WNT2B: variants seen among roughly 807,000 people sequenced by gnomAD.
WNT2B encodes the protein Wnt family member 2B.
Under a neutral mutation model 40.5 loss-of-function variants are expected in WNT2B, and 19 were observed. The observed-to-expected ratio is 0.47, with a 90% CI of 0.33 to 0.69. The LOEUF (loss-of-function observed/expected upper bound fraction) is 0.69, where lower values mean the gene tolerates loss of function less well. Among genes scored for constraint, WNT2B ranks in the 30% least tolerant of loss-of-function variants. The pLI is 0.02. For synonymous variants in WNT2B, 220 were observed against 211.9 expected (o/e 1.04, Z -0.33); for missense variants, 467 against 556.4 (o/e 0.84, Z 1.62).
chr1:112,520,201 C>T lies in WNT2B; in HGVS notation c.947-79C>T, dbSNP rs113212023. On this transcript the variant is annotated intron_variant, in intron 4 of 4. Coordinates refer to ENST00000369684, the MANE Select transcript of WNT2B (RefSeq NM_024494.3). ...CAAAAAAGCGATTCTTTTTATCTTC[C>T]TTCTGAGAATGTGGTTAAGGGTATC... is the stretch of plus-strand genomic sequence containing the variant. 4.0e-3 allele frequency: 5,567 copies of T among 1,390,382 alleles called. 167 individuals are homozygous for T. In the African/African-American group the frequency reaches 0.067, roughly 17 times the overall value. The allele number at this position is 1,390,382 out of a possible 1,614,324, so 86.1% of individuals were successfully genotyped here. A position where few individuals can be genotyped will look rare whatever the true frequency, so the allele number is the denominator to read the frequency against.
At position 112,516,427 on chromosome 1, in the gene WNT2B, C is replaced by A; in HGVS notation, c.681+10C>A. The A allele has an allele frequency of 6.2e-7, 1 of 1,604,516 alleles. No individual in the cohort carries two copies. The highest frequency in any genetic ancestry group is 1.1e-5 in the South Asian group (1 of 89,536). On this transcript the variant is annotated intron_variant, in intron 3 of 4. Transcript: ENST00000369684. ...CCGCTGTGGTCGCACGGTCAGTACT[C>A]ATGTCTGTGTAAGTACACTCATATT...
In WNT2B at chr1:112,520,486, G is replaced by A; in HGVS notation, c.1153G>A (p.Ala385Thr). 6.2e-7 allele frequency: 1 copy of A among 1,614,078 alleles called. No homozygotes were observed. The highest frequency in any genetic ancestry group is 8.5e-7 in the Non-Finnish European group (1 of 1,179,996). Residue 385 changes from alanine (A) to threonine (T), a missense_variant, in exon 5 of 5, where the codon GCA becomes ACA. Transcript: ENST00000369684. ...DVHTCKAPKK[A>T]EWLDQT ...CCATACTTGCAAAGCCCCCAAGAAG[G>A]CAGAGTGGCTGGACCAAACCTGAAC... is the stretch of plus-strand genomic sequence containing the variant.
chr1:112,495,588 C>CAA (rs1172484242), intron 1 of WNT2B, among the ~76,000 whole-genome samples: 2,228 of 94,476 alleles, frequency 0.024, 52 homozygotes, highest in African/African-American at 0.068. Flanking sequence ...GACTCTGTCT[C>CAA]AAAAAAAAAA....
rs1397274254 is a variant in WNT2B, at chr1:112,515,350, C to T, written c.403+256C>T. 2.6e-5 allele frequency among the ~76,000 whole-genome samples: 4 copies of T among 152,180 alleles called. No individual in the cohort carries two copies. The highest frequency in any genetic ancestry group is 6.5e-5 in the Admixed American group (1 of 15,278). On this transcript the variant is annotated intron_variant, in intron 2 of 4. Transcript: ENST00000369684. This position sits in a 1 kb window ranked among gnomAD's most constrained non-coding sequence, Gnocchi z 4.4. The stretch of plus-strand genomic sequence containing the variant: ...ATTCCCTAGAACCTCCATCTTTCTC[C>T]CTCATTTTCCTTGTCCTCCCCAATC...
chr1:112,516,227 G>A lies in WNT2B; in HGVS notation c.491G>A (p.Ser164Asn), dbSNP rs149608763. The change falls in exon 3 of 5, where the codon AGT (serine) becomes AAT (asparagine). Residue 164 changes from serine (S) to asparagine (N), a missense_variant. Around this residue, in one of 2 missense-constraint regions of WNT2B, gnomAD observed 330 missense variants for 438.6 expected, o/e 0.75. Coordinates refer to ENST00000369684, the MANE Select transcript of WNT2B (RefSeq NM_024494.3). ...CGCGCCTGTAGCCAGGGTGAACTGA[G>A]TGTGTGCAGCTGTGACCCCTACACC... ...ITRACSQGEL[S>N]VCSCDPYTRG... 2.5e-6 allele frequency: 4 copies of A among 1,614,116 alleles called. No homozygotes were observed. Among genetic ancestry groups the A allele is most frequent in the South Asian group, 2.2e-5 (2 of 91,076 alleles).
intron 1 of WNT2B, among the ~76,000 whole-genome samples, chr1:112,478,367 G>A (rs953563867): frequency 6.6e-6 from 1 of 151,846 alleles, no homozygotes; most frequent in Non-Finnish European, 1.5e-5. Flanking sequence ...ATACCAAATA[G>A]CCCCCAAATA....
chr1:112,490,914 C>G, intron 1 of WNT2B: 4 of 1,270,948 alleles, frequency 3.1e-6, no homozygotes, highest in Non-Finnish European at 4.5e-6. Context: ...TTCCCAATAG[C>G]TCTACCCTAA....
At position 112,527,143 on chromosome 1, in the gene WNT2B, A is replaced by G. The variant is rs1428708180; in HGVS notation, c.*6634A>G. 6.6e-6 allele frequency: 1 copy of G among 152,266 alleles called. No individual in the cohort carries two copies. The highest frequency in any genetic ancestry group is 2.4e-5 in the African/African-American group (1 of 41,470). 9.4% of individuals were successfully genotyped at this position (152,266 alleles called of 1,614,324 possible). ...GGGGAACTCTTCTGTTCAATCCTGTAATGTTTTCTGTTAGAGACAGCATAG... is the reference window on the plus strand; with the variant it reads ...GGGGAACTCTTCTGTTCAATCCTGTGATGTTTTCTGTTAGAGACAGCATAG... On this transcript the variant is annotated 3_prime_UTR_variant, in exon 5 of 5. Transcript: ENST00000369684.
intron 1 of WNT2B, chr1:112,467,665 T>C: frequency 1.4e-6 from 1 of 728,354 alleles, no homozygotes; most frequent in South Asian, 1.5e-5. Flanking sequence ...TACATAATAC[T>C]TTACATATTT....
intron 2 of WNT2B, 126 bp from the exon 3 acceptor site, chr1:112,516,014 G>A: frequency 8.1e-7 from 1 of 1,231,644 alleles, no homozygotes; most frequent in South Asian, 1.5e-5. Context: ...GAATAAAGGG[G>A]GTGTAGGGGT....
At chr1:112,479,772 C>G (rs533633282) in intron 1 of WNT2B, among the ~76,000 whole-genome samples, 7 of 151,998 alleles carry the variant, frequency 4.6e-5, no homozygotes, top group African/African-American at 1.7e-4. Flanking sequence ...AGCGCAGTGT[C>G]GCATCTCTGC....
At chr1:112,476,014 CAT>C (rs1489598705) in intron 1 of WNT2B, among the ~76,000 whole-genome samples, 5 of 152,118 alleles carry the variant, frequency 3.3e-5, no homozygotes, top group African/African-American at 4.8e-5. Context: ...TTAATGCACA[CAT>C]AGAACATTTA....
exon 1 of WNT2B, chr1:112,467,562 G>C (rs1160047048): frequency 1.3e-6 from 1 of 780,890 alleles, no homozygotes; most frequent in Non-Finnish European, 2.4e-6. Context: ...TGGAGTGGTA[G>C]CCATAAGCAT....
rs139333916 is a variant in WNT2B, at chr1:112,526,103, T to C, written c.*5594T>C. 1,928 of 1,614,022 alleles carry C rather than the reference T, an allele frequency of 1.2e-3. 2 individuals carry two copies. The highest frequency in any genetic ancestry group is 1.6e-3 in the Non-Finnish European group (1,858 of 1,179,994). ...ATGCCCAGGGTTGGGGGCACCAGAG[T>C]CCCAGCACCTTCAAAACAGAAATTG... On this transcript the variant is annotated 3_prime_UTR_variant, in exon 5 of 5. Coordinates refer to ENST00000369684, the MANE Select transcript of WNT2B (RefSeq NM_024494.3).
At chr1:112,485,651 G>A (rs1166024457) in intron 1 of WNT2B, among the ~76,000 whole-genome samples, 1 of 152,108 alleles carries the variant, frequency 6.6e-6, no homozygotes, top group Non-Finnish European at 1.5e-5. Context: ...TCAATAAATG[G>A]TACTGAAACA....
At chr1:112,484,254 TACAC>T (rs1176000508) in intron 1 of WNT2B, among the ~76,000 whole-genome samples, 1 of 124,296 alleles carries the variant, frequency 8.0e-6, no homozygotes, top group African/African-American at 2.9e-5. Context: ...CACATATATA[TACAC>T]ATATATATAT....
chr1:112,517,648 G>T (rs1652625645), intron 4 of WNT2B, among the ~76,000 whole-genome samples: 1 of 152,236 alleles, frequency 6.6e-6, no homozygotes, highest in Non-Finnish European at 1.5e-5. Flanking sequence ...GGATACAGTA[G>T]GCATTATTCA....
intron 1 of WNT2B, among the ~76,000 whole-genome samples, chr1:112,481,887 C>T (rs947437773): frequency 1.3e-5 from 2 of 152,024 alleles, no homozygotes; most frequent in Non-Finnish European, 2.9e-5. Context: ...TGGCTCACGT[C>T]TGTAATCCCA....
rs1653033049 is a variant in WNT2B at position 112,523,984 on chromosome 1, C to T, written c.*3475C>T. ...TAGAGTGATGCTGGAAAAATAAAATCAGGGGCTTCAGATTAAAAAAAAAAA... is the reference window on the plus strand; with the variant it reads ...TAGAGTGATGCTGGAAAAATAAAATTAGGGGCTTCAGATTAAAAAAAAAAA... On this transcript the variant is annotated 3_prime_UTR_variant, in exon 5 of 5. Transcript: ENST00000369684. 6.6e-6 allele frequency: 1 copy of T among 151,122 alleles called. No individual in the cohort carries two copies. Among genetic ancestry groups the T allele is most frequent in the Admixed American group, 6.6e-5 (1 of 15,182 alleles). The allele number at this position is 151,122 out of a possible 1,614,324, so 9.4% of individuals were successfully genotyped here.
Sources: allele counts gnomAD v4.1 joint callset (sites outside exome capture counted in the v4.1 genomes callset), GRCh38; gene constraint gnomAD v4.1.1; regional missense constraint gnomAD v4.1.1; non-coding constraint Gnocchi (gnomAD v3.1); transcripts MANE v1.5; gene names NCBI Gene and HGNC (gene_info 2026-07-23, HGNC 2026-07-21).